The following L3MBTL3 variants were observed in gnomAD, a reference collection of about 807,000 sequenced individuals.
L3MBTL3 encodes lethal(3)malignant brain tumor-like protein 3.
L3MBTL3 carries 27 observed loss-of-function variants against 102.3 expected under a neutral mutation model. The ratio of observed to expected loss-of-function variants is 0.26; its 90% CI spans 0.19 to 0.36. The LOEUF (loss-of-function observed/expected upper bound fraction) is 0.36. Among genes scored for constraint, L3MBTL3 ranks in the 10% least tolerant of loss-of-function variants. The pLI, the probability that L3MBTL3 is intolerant of heterozygous loss-of-function variation, is 1.00. For synonymous variants in L3MBTL3, 340 were observed against 320.9 expected (o/e 1.06, Z -0.64); for missense variants, 798 against 955.3 (o/e 0.84, Z 2.17).
At chr6:130,119,208 A>T (rs1189710720) in intron 19 of L3MBTL3, among the ~76,000 whole-genome samples, 1 of 152,168 alleles carries the variant, frequency 6.6e-6, no homozygotes, top group Non-Finnish European at 1.5e-5. Flanking sequence ...TAGAAAAGCC[A>T]CAATAATTGG....
chr6:130,132,513 G>T (rs1201227679), intron 20 of L3MBTL3, among the ~76,000 whole-genome samples: 1 of 152,214 alleles, frequency 6.6e-6, no homozygotes, highest in Non-Finnish European at 1.5e-5. Flanking sequence ...TAGAATTGAG[G>T]TGTCCTTGTA....
chr6:130,034,934 C>T (rs1344081743), intron 2 of L3MBTL3, among the ~76,000 whole-genome samples: 1 of 152,214 alleles, frequency 6.6e-6, no homozygotes, highest in Non-Finnish European at 1.5e-5. Context: ...ACACCTCCTC[C>T]TCTCATCCAT....
intron 10 of L3MBTL3, among the ~76,000 whole-genome samples, chr6:130,062,213 A>G (rs867150363): frequency 2.0e-5 from 3 of 152,124 alleles, no homozygotes; most frequent in Non-Finnish European, 4.4e-5. Context: ...GTAAGAGTGC[A>G]TATTAATAAA....
At position 130,139,598 on chromosome 6, in the gene L3MBTL3, C is replaced by A. The variant is rs1719977797; in HGVS notation, c.2200-12C>A. ...TTAATCCACATTCTGTTGTTTTTTT[C>A]CCCCATTTTAGCAAATTGATGGAGA... On this transcript the variant is annotated splice_polypyrimidine_tract_variant and intron_variant, in intron 22 of 22. Coordinates refer to ENST00000361794, the MANE Select transcript of L3MBTL3 (RefSeq NM_032438.4). The A allele has an allele frequency of 2.5e-6, 4 of 1,605,954 alleles. No homozygotes were observed. Among genetic ancestry groups the A allele is most frequent in the African/African-American group, 1.3e-5 (1 of 74,496 alleles).
At chr6:130,030,260 A>T (rs1779626784) in intron 2 of L3MBTL3, among the ~76,000 whole-genome samples, 1 of 152,090 alleles carries the variant, frequency 6.6e-6, no homozygotes, top group Admixed American at 6.5e-5. Flanking sequence ...AAGTTTTTAC[A>T]CCCCTATGGA....
intron 3 of L3MBTL3, among the ~76,000 whole-genome samples, 170 bp downstream of exon 3, chr6:130,042,971 A>G (rs1780516749): frequency 6.6e-6 from 1 of 152,238 alleles, no homozygotes; most frequent in Non-Finnish European, 1.5e-5. Flanking sequence ...TGAAATGCTG[A>G]TGGAATGGCA....
chr6:130,126,042 C>A (rs1163728083), intron 20 of L3MBTL3, among the ~76,000 whole-genome samples: 2 of 145,808 alleles, frequency 1.4e-5, no homozygotes, highest in African/African-American at 2.6e-5. Flanking sequence ...TGAATTTGAT[C>A]TTTGGGGACT....
intron 1 of L3MBTL3, among the ~76,000 whole-genome samples, chr6:130,019,650 C>T (rs1290731770): frequency 1.3e-5 from 2 of 150,858 alleles, no homozygotes; most frequent in African/African-American, 4.9e-5. Context: ...CACACGGACC[C>T]GCGGCGGGGC....
chr6:130,093,418 AATT>A (rs1784174933), intron 17 of L3MBTL3, among the ~76,000 whole-genome samples: 1 of 152,172 alleles, frequency 6.6e-6, no homozygotes, highest in Non-Finnish European at 1.5e-5. Flanking sequence ...AAATACAATA[AATT>A]ATTATCAAGT....
chr6:130,053,112 T>A, intron 7 of L3MBTL3, 121 bp downstream of exon 7: 1 of 692,186 alleles, frequency 1.4e-6, no homozygotes, highest in Non-Finnish European at 2.5e-6. Flanking sequence ...CTATCTGTGT[T>A]AGTGTCAGTA....
chr6:130,023,495 TTGTC>T (rs1779139575), intron 2 of L3MBTL3, among the ~76,000 whole-genome samples: 2 of 152,172 alleles, frequency 1.3e-5, no homozygotes, highest in Admixed American at 1.3e-4. Context: ...TTATTTTTCT[TTGTC>T]TGCGGAGTCA....
chr6:130,121,265 C>T (rs748310266), intron 20 of L3MBTL3, among the ~76,000 whole-genome samples: 7 of 152,094 alleles, frequency 4.6e-5, no homozygotes, highest in Non-Finnish European at 1.0e-4. Context: ...TCTGTCCTTT[C>T]CTTCTTCGTG....
chr6:130,122,032 C>A (rs547839023), intron 20 of L3MBTL3, among the ~76,000 whole-genome samples: 6 of 152,166 alleles, frequency 3.9e-5, no homozygotes, highest in African/African-American at 1.4e-4. Flanking sequence ...AGCTACAGAG[C>A]GAGTGGTTTA....
rs150398085 is a variant in L3MBTL3 at position 130,076,607 on chromosome 6, A to C, written c.1245-1951A>C. On this transcript the variant is annotated intron_variant, in intron 13 of 22. Transcript: ENST00000361794. ...GAAATGGAGGCTTCTTTCATGATAT[A>C]CATAAAAACCCAGAAGAAAGGAAGA... Among the ~76,000 whole-genome samples the C allele has an allele frequency of 2.6e-3, 392 of 152,306 alleles. 2 individuals are homozygous for C. The highest frequency in any genetic ancestry group is 9.1e-3 in the African/African-American group (378 of 41,572).
At position 130,104,508 on chromosome 6, in the gene L3MBTL3, G is replaced by C; in HGVS notation, c.1819G>C (p.Ala607Pro). 6.3e-7 allele frequency: 1 copy of C among 1,596,528 alleles called. No homozygotes were observed. The highest frequency in any genetic ancestry group is 8.5e-7 in the Non-Finnish European group (1 of 1,172,440). ...CCGCTTAAGTGGTGAGATGCCTCCG[G>C]CTAGTCCGTCATTTCCAAGAAATAA... ...PDRLSGEMPP[A>P]SPSFPRNKRT... Residue 607 changes from alanine to proline, a missense_variant, in exon 19 of 23, where the codon GCT becomes CCT. Physicochemically the swap from Ala to Pro is conservative, Grantham distance 27. Coordinates refer to ENST00000361794, the MANE Select transcript of L3MBTL3 (RefSeq NM_032438.4).
At chr6:130,088,193 C>A (rs1481750296) in intron 16 of L3MBTL3, among the ~76,000 whole-genome samples, 3 of 152,066 alleles carry the variant, frequency 2.0e-5, no homozygotes, top group Non-Finnish European at 2.9e-5. Flanking sequence ...GTACAGTTGA[C>A]AATTATCTTT....
At chr6:130,063,470 G>T (rs976547623) in intron 10 of L3MBTL3, among the ~76,000 whole-genome samples, 1 of 152,100 alleles carries the variant, frequency 6.6e-6, no homozygotes, top group Non-Finnish European at 1.5e-5. Context: ...TTCATTATTC[G>T]CAGTAGTTAC....
chr6:130,131,456 G>A (rs926606054), intron 20 of L3MBTL3, among the ~76,000 whole-genome samples: 2 of 152,114 alleles, frequency 1.3e-5, no homozygotes, highest in Admixed American at 6.6e-5. Flanking sequence ...CACATGCTGC[G>A]ACCTCAGAGT....
intron 19 of L3MBTL3, among the ~76,000 whole-genome samples, chr6:130,114,932 A>C (rs966309812): frequency 6.6e-6 from 1 of 151,968 alleles, no homozygotes; most frequent in Non-Finnish European, 1.5e-5. Flanking sequence ...CATTTGTACG[A>C]GGCATTTTGG....
Sources: gnomAD v4.1 joint callset for allele counts (sites outside exome capture counted in the v4.1 genomes callset) on GRCh38, gnomAD v4.1.1 for gene constraint, MANE v1.5 for transcripts, NCBI Gene and HGNC (gene_info 2026-07-23, HGNC 2026-07-21) for gene names.